Variants in GRM3 observed in about 807,000 individuals in gnomAD.
The protein encoded by GRM3 is glutamate metabotropic receptor 3, also known as metabotropic glutamate receptor 3.
GRM3 carries 26 observed loss-of-function variants against 70.5 expected under a neutral mutation model. That is an observed-to-expected ratio of 0.37 (90% confidence interval 0.27 to 0.51). The LOEUF is 0.51. GRM3 is among the 20% of genes least tolerant of loss of function. The pLI, the probability that GRM3 is intolerant of heterozygous loss-of-function variation, is 0.93. For synonymous variants in GRM3, 443 were observed against 434.9 expected (o/e 1.02, Z -0.23); for missense variants, 859 against 1,123.8 (o/e 0.76, Z 3.37).
chr7:86,763,954 G>A (rs1042557298), intron 1 of GRM3, among the ~76,000 whole-genome samples: 2 of 152,120 alleles, frequency 1.3e-5, no homozygotes, highest in Admixed American at 6.6e-5. Context: ...GGAAGAAGTG[G>A]TAGCTTTGGG....
chr7:86,711,645 T>C (rs543409486), intron 1 of GRM3, among the ~76,000 whole-genome samples: 19 of 152,256 alleles, frequency 1.2e-4, no homozygotes, highest in African/African-American at 4.6e-4. Context: ...TGATGTATAA[T>C]GGGTGTTCAG....
intron 5 of GRM3, among the ~76,000 whole-genome samples, chr7:86,863,336 T>C (rs1026089405): frequency 6.6e-6 from 1 of 152,166 alleles, no homozygotes; most frequent in African/African-American, 2.4e-5. Context: ...CCATACTATA[T>C]AATATGGCTA....
chr7:86,692,750 G>T (rs1222200654), intron 1 of GRM3, among the ~76,000 whole-genome samples: 10 of 152,082 alleles, frequency 6.6e-5, no homozygotes, highest in Non-Finnish European at 1.5e-4. Context: ...AATATTTTTT[G>T]AATTAATAAT....
intron 1 of GRM3, among the ~76,000 whole-genome samples, chr7:86,694,006 T>C (rs572822009): frequency 1.1e-4 from 17 of 152,322 alleles, no homozygotes; most frequent in Non-Finnish European, 2.1e-4. Context: ...ATAAATCACT[T>C]CCACACTATT....
intron 1 of GRM3, among the ~76,000 whole-genome samples, chr7:86,645,713 A>G (rs1793444485): frequency 6.6e-6 from 1 of 152,150 alleles, no homozygotes; most frequent in Non-Finnish European, 1.5e-5. Context: ...AGTATTTTAG[A>G]TATTGTAAAT....
chr7:86,670,424 G>A (rs1006770296), intron 1 of GRM3, among the ~76,000 whole-genome samples: 9 of 152,158 alleles, frequency 5.9e-5, no homozygotes, highest in South Asian at 4.1e-4. Flanking sequence ...TCAATTTCTC[G>A]TGTCTTTTAA....
intron 1 of GRM3, among the ~76,000 whole-genome samples, chr7:86,757,153 A>G (rs1270031550): frequency 6.6e-6 from 1 of 152,180 alleles, no homozygotes; most frequent in Non-Finnish European, 1.5e-5. Context: ...GCACCATTTC[A>G]GGTCTTATTT....
At chr7:86,698,248 A>G (rs1207361925) in intron 1 of GRM3, among the ~76,000 whole-genome samples, 2 of 152,064 alleles carry the variant, frequency 1.3e-5, no homozygotes, top group Admixed American at 6.6e-5. Flanking sequence ...ATGACAAAGA[A>G]CAACTGTGCC....
At chr7:86,795,421 C>G (rs1397665369) in intron 3 of GRM3, among the ~76,000 whole-genome samples, 3 of 151,822 alleles carry the variant, frequency 2.0e-5, no homozygotes, top group African/African-American at 4.8e-5. Flanking sequence ...GTATTAAGCC[C>G]CACATACATT....
chr7:86,694,202 C>T (rs1414557724), intron 1 of GRM3, among the ~76,000 whole-genome samples: 1 of 152,082 alleles, frequency 6.6e-6, no homozygotes, highest in Non-Finnish European at 1.5e-5. Flanking sequence ...ATAACTCACT[C>T]AGAAATGAAG....
chr7:86,667,977 G>C (rs903380528), intron 1 of GRM3, among the ~76,000 whole-genome samples: 1 of 152,086 alleles, frequency 6.6e-6, no homozygotes, highest in East Asian at 1.9e-4. Context: ...GCTAATCAAA[G>C]CTCTCTCCTG....
rs534507383 is a variant in GRM3, at chr7:86,761,924, T to C, written c.-140-3082T>C. Among the ~76,000 whole-genome samples, 104 of 152,266 alleles carry C rather than the reference T, an allele frequency of 6.8e-4. 1 individual carries two copies. Among genetic ancestry groups the C allele is most frequent in the African/African-American group, 2.0e-3 (85 of 41,566 alleles). On this transcript the variant is annotated intron_variant, in intron 1 of 5. Coordinates refer to ENST00000361669, the MANE Select transcript of GRM3 (RefSeq NM_000840.3). ...AGAGAATTAAGCTTTCTATAGACTA[T>C]AAGGTAATCTTTATTTGAGTAGCCA...
chr7:86,792,695 A>C (rs538660849), intron 3 of GRM3, among the ~76,000 whole-genome samples: 22 of 152,328 alleles, frequency 1.4e-4, no homozygotes, highest in African/African-American at 4.8e-4. Flanking sequence ...TGCTTCATAG[A>C]GCTTACACAG....
chr7:86,781,533 C>A (rs1227562604), intron 2 of GRM3, among the ~76,000 whole-genome samples: 1 of 152,096 alleles, frequency 6.6e-6, no homozygotes, highest in Non-Finnish European at 1.5e-5. Context: ...ATAATATCAC[C>A]TTGTTTCCTG....
At chr7:86,768,292 G>A (rs77460825) in intron 2 of GRM3, among the ~76,000 whole-genome samples, 3,663 of 152,222 alleles carry the variant, frequency 0.024, 148 homozygotes, top group African/African-American at 0.081. Context: ...AAGCCATATC[G>A]AAAGCTAATT....
At chr7:86,717,838 G>A (rs139608127) in intron 1 of GRM3, among the ~76,000 whole-genome samples, 19 of 151,986 alleles carry the variant, frequency 1.3e-4, no homozygotes, top group African/African-American at 2.4e-4. Context: ...TCAAAAGCAC[G>A]TAGGGAATAT....
At chr7:86,799,651 C>T (rs986359199) in intron 3 of GRM3, among the ~76,000 whole-genome samples, 2 of 152,084 alleles carry the variant, frequency 1.3e-5, no homozygotes, top group East Asian at 1.9e-4. Flanking sequence ...CCTAGCCTCC[C>T]GAGTAGCTGG....
At chr7:86,811,834 C>T (rs917309902) in intron 3 of GRM3, among the ~76,000 whole-genome samples, 1 of 149,036 alleles carries the variant, frequency 6.7e-6, no homozygotes, top group Admixed American at 6.7e-5. Flanking sequence ...TCCTCTTTTT[C>T]TTCTCTTCCC....
At chr7:86,747,816 T>G (rs1163236148) in intron 1 of GRM3, among the ~76,000 whole-genome samples, 3 of 152,096 alleles carry the variant, frequency 2.0e-5, no homozygotes, top group African/African-American at 7.2e-5. Context: ...TTGTTCAATG[T>G]GGTTGTTCTA....
Sources: allele counts gnomAD v4.1 joint callset (sites outside exome capture counted in the v4.1 genomes callset), GRCh38; gene constraint gnomAD v4.1.1; transcripts MANE v1.5; gene names NCBI Gene and HGNC (gene_info 2026-07-23, HGNC 2026-07-21).